Variants in NINJ2 observed in about 807,000 individuals in gnomAD.
NINJ2 encodes the protein ninjurin-2.
Under a neutral mutation model 11.7 loss-of-function variants are expected in NINJ2, and 12 were observed. That is an observed-to-expected ratio of 1.02 (90% CI 0.66 to 1.66). The LOEUF is 1.66. Ranked by LOEUF, NINJ2 falls within the 40% of genes most tolerant of loss-of-function variation. The probability of loss-of-function intolerance (pLI) is 0.00; values close to 1 mark genes in which losing one functional copy is unlikely to be tolerated. For missense variants in NINJ2, 187 were observed against 181.8 expected (o/e 1.03, Z -0.16); for synonymous variants, 93 against 76.8 (o/e 1.21, Z -1.10).
At chr12:652,720 G>A (rs974997096) in intron 1 of NINJ2, among the ~76,000 whole-genome samples, 1 of 151,956 alleles carries the variant, frequency 6.6e-6, no homozygotes, top group African/African-American at 2.4e-5. Flanking sequence ...GGCTGAGGTG[G>A]GCAGATCACT....
Position 566,016 on chromosome 12 carries a change from GGGT to G in NINJ2, c.193_195del (p.Thr65del). The G allele has an allele frequency of 6.2e-7, 1 of 1,614,226 alleles. No individual in the cohort carries two copies. Among genetic ancestry groups the G allele is most frequent in the Non-Finnish European group, 8.5e-7 (1 of 1,180,030 alleles). On this transcript the variant is annotated inframe_deletion, in exon 2 of 4. Coordinates refer to ENST00000305108, the MANE Select transcript of NINJ2 (RefSeq NM_016533.6). ...AGAGAGAGGCTGATGAGGGTGACCAGGGTGGTGTAGTAGTGAGAGGATGGTCCC... is the reference window on the plus strand; with the variant it reads ...AGAGAGAGGCTGATGAGGGTGACCAGGGTGTAGTAGTGAGAGGATGGTCCC...
intron 1 of NINJ2, among the ~76,000 whole-genome samples, chr12:656,370 A>G (rs1054979040): frequency 6.6e-6 from 1 of 151,870 alleles, no homozygotes; most frequent in Admixed American, 6.6e-5. Flanking sequence ...CTAAAAATAA[A>G]ATAAAATAAA....
intron 1 of NINJ2, chr12:586,087 A>G (rs1420053610): frequency 6.6e-6 from 1 of 152,034 alleles, no homozygotes; most frequent in Non-Finnish European, 1.5e-5. Flanking sequence ...CCCTCGTTCA[A>G]GTTGATTAAG....
At chr12:615,295 G>A (rs77179724) in intron 1 of NINJ2, among the ~76,000 whole-genome samples, 14,298 of 152,044 alleles carry the variant, frequency 0.094, 853 homozygotes, top group African/African-American at 0.16. Context: ...TCTCCTTCTC[G>A]TTCTTTTCTC....
rs141651039 is a variant in NINJ2 at position 647,723 on chromosome 12, G to A, written c.33+15605C>T. 6.8e-3 allele frequency among the ~76,000 whole-genome samples: 1,033 copies of A among 152,210 alleles called. 10 individuals are homozygous for A. The highest frequency in any genetic ancestry group is 0.011 in the Non-Finnish European group (732 of 67,998). ...TTTAAGTAAGACCTTAGTATGCATC[G>A]GGATCACCAGGGGACTTGTGAAAAT... is the stretch of plus-strand genomic sequence containing the variant. On this transcript the variant is annotated intron_variant, in intron 1 of 3. Coordinates refer to ENST00000305108, the MANE Select transcript of NINJ2 (RefSeq NM_016533.6).
chr12:615,901 G>A (rs1948085982), intron 1 of NINJ2, among the ~76,000 whole-genome samples: 1 of 152,186 alleles, frequency 6.6e-6, no homozygotes, highest in Admixed American at 6.5e-5. Context: ...GATGTAGGAA[G>A]TGTCTGAGAG....
chr12:659,546 A>C (rs1937928671), intron 1 of NINJ2, among the ~76,000 whole-genome samples: 1 of 152,184 alleles, frequency 6.6e-6, no homozygotes, highest in Non-Finnish European at 1.5e-5. Flanking sequence ...GGCAGGGAGA[A>C]GGGCAGAGGC....
chr12:623,107 C>A (rs1948172938), intron 1 of NINJ2, among the ~76,000 whole-genome samples: 1 of 152,164 alleles, frequency 6.6e-6, no homozygotes, highest in Non-Finnish European at 1.5e-5. Context: ...TGGAATATTG[C>A]AAAGGTAGAC....
At chr12:568,876 A>ACCCCCCCCC (rs5795931) in intron 1 of NINJ2, among the ~76,000 whole-genome samples, 8 of 112,766 alleles carry the variant, frequency 7.1e-5, no homozygotes, top group African/African-American at 1.5e-4. Flanking sequence ...CTGTGAGGAC[A>ACCCCCCCCC]CCCCCCCCCC....
chr12:612,328 C>A (rs1948043180), intron 1 of NINJ2, among the ~76,000 whole-genome samples: 1 of 152,174 alleles, frequency 6.6e-6, no homozygotes, highest in Non-Finnish European at 1.5e-5. Context: ...GGGGCAGTCG[C>A]AACCTCCCGT....
chr12:650,438 G>T (rs1478403678), intron 1 of NINJ2, among the ~76,000 whole-genome samples: 2 of 152,178 alleles, frequency 1.3e-5, no homozygotes, highest in African/African-American at 4.8e-5. Flanking sequence ...GGTGGCTCAC[G>T]CCTGTAATCC....
rs946114807 is a variant in NINJ2 at position 640,034 on chromosome 12, G to A, written c.33+23294C>T. Among the ~76,000 whole-genome samples the A allele has an allele frequency of 1.3e-5, 2 of 152,252 alleles. No individual in the cohort carries two copies. The highest frequency in any genetic ancestry group is 6.5e-5 in the Admixed American group (1 of 15,278). On this transcript the variant is annotated intron_variant, in intron 1 of 3. Transcript: ENST00000305108. This position sits in a 1 kb window ranked among gnomAD's most constrained non-coding sequence, Gnocchi z 4.0. ...TGGAGATGACACGGTGTTTAGTGCT[G>A]TTTCAGGTTAAGTCAGCGTCCCTCC...
chr12:610,681 A>G (rs932995685), intron 1 of NINJ2: 45 of 942,174 alleles, frequency 4.8e-5, no homozygotes, highest in Non-Finnish European at 1.0e-5. Context: ...AACCTTGTTT[A>G]GCAGAACTGG....
intron 1 of NINJ2, among the ~76,000 whole-genome samples, chr12:573,487 G>A (rs909078889): frequency 6.6e-6 from 1 of 152,114 alleles, no homozygotes; most frequent in African/African-American, 2.4e-5. Flanking sequence ...GCTGAGACAG[G>A]AGAATTGCTT....
chr12:565,719 A>C, intron 2 of NINJ2: 1 of 626,532 alleles, frequency 1.6e-6, no homozygotes, highest in Non-Finnish European at 2.9e-6. Flanking sequence ...GTCATTCAGC[A>C]GGTACTGCGG....
intron 1 of NINJ2, chr12:643,243 G>C: frequency 5.9e-6 from 1 of 169,886 alleles, no homozygotes; most frequent in Non-Finnish European, 1.2e-5. Flanking sequence ...CGCCCCTCCT[G>C]TGACCCTCAG....
intron 1 of NINJ2, chr12:644,845 G>T (rs968352187): frequency 4.6e-5 from 7 of 152,064 alleles, no homozygotes; most frequent in Admixed American, 2.0e-4. Flanking sequence ...AACGGGGTAG[G>T]GCCTACTAAG....
At chr12:660,960 C>CA (rs912038837) in intron 1 of NINJ2, among the ~76,000 whole-genome samples, 2 of 151,784 alleles carry the variant, frequency 1.3e-5, no homozygotes, top group South Asian at 2.1e-4. Flanking sequence ...GACTCCATCT[C>CA]AAAAAAAACT....
chr12:604,518 A>T (rs191987096), intron 1 of NINJ2, among the ~76,000 whole-genome samples: 2 of 152,258 alleles, frequency 1.3e-5, no homozygotes, highest in East Asian at 3.9e-4. Context: ...GGCACCTGTA[A>T]TCCCAGCTAC....
Sources: allele counts gnomAD v4.1 joint callset (sites outside exome capture counted in the v4.1 genomes callset), GRCh38; gene constraint gnomAD v4.1.1; non-coding constraint Gnocchi (gnomAD v3.1); transcripts MANE v1.5; gene names NCBI Gene and HGNC (gene_info 2026-07-23, HGNC 2026-07-21).